The following LARGE1 variants were observed in gnomAD, a reference collection of about 807,000 sequenced individuals.
The protein encoded by LARGE1 is xylosyl- and glucuronyltransferase LARGE1.
Under a neutral mutation model 87.6 loss-of-function variants are expected in LARGE1, and 43 were observed. The observed-to-expected ratio is 0.49, with a 90% CI of 0.38 to 0.63. The LOEUF is 0.63. LARGE1 is among the 30% of genes least tolerant of loss of function. The pLI, the probability that LARGE1 is intolerant of heterozygous loss-of-function variation, is 0.00. For missense variants in LARGE1, 802 were observed against 1,000.2 expected (o/e 0.80, Z 2.67); for synonymous variants, 434 against 394.6 (o/e 1.10, Z -1.18).
At chr22:33,788,544 G>A (rs978668690) in intron 1 of LARGE1, among the ~76,000 whole-genome samples, 3 of 152,218 alleles carry the variant, frequency 2.0e-5, no homozygotes, top group Non-Finnish European at 4.4e-5. Context: ...GGGAAGTTTT[G>A]AACTTCCTAG....
chr22:33,701,100 T>C (rs1438479423), intron 2 of LARGE1, among the ~76,000 whole-genome samples: 1 of 152,144 alleles, frequency 6.6e-6, no homozygotes, highest in Non-Finnish European at 1.5e-5. Flanking sequence ...CAGGTGATGC[T>C]GATGCTTTTT....
chr22:33,556,345 T>A (rs1055221549), intron 6 of LARGE1, among the ~76,000 whole-genome samples: 1 of 151,936 alleles, frequency 6.6e-6, no homozygotes, highest in South Asian at 2.1e-4. Flanking sequence ...GTTCAGGGCA[T>A]GACACATAAA....
intron 9 of LARGE1, among the ~76,000 whole-genome samples, chr22:33,381,043 G>T (rs1024737430): frequency 1.3e-5 from 2 of 152,160 alleles, no homozygotes; most frequent in African/African-American, 4.8e-5. Context: ...AATGACTCAA[G>T]GTTTCCTCTT....
intron 4 of LARGE1, among the ~76,000 whole-genome samples, chr22:33,611,296 A>G (rs889877547): frequency 6.6e-6 from 1 of 152,270 alleles, no homozygotes; most frequent in Admixed American, 6.5e-5. Context: ...CCATGAGAGC[A>G]GCTGCAGGGG....
chr22:33,471,645 C>CT (rs1435389049), intron 6 of LARGE1, among the ~76,000 whole-genome samples: 1 of 152,140 alleles, frequency 6.6e-6, no homozygotes, highest in Non-Finnish European at 1.5e-5. Flanking sequence ...CCAGGAAACT[C>CT]TTCCACTCAG....
chr22:33,132,846 T>C, the LARGE1 span, among the ~76,000 whole-genome samples: 2 of 152,216 alleles, frequency 1.3e-5, no homozygotes, highest in East Asian at 3.9e-4. Flanking sequence ...ATCGTGCATG[T>C]AACATACACT....
At chr22:33,682,558 T>C (rs2081808585) in intron 2 of LARGE1, among the ~76,000 whole-genome samples, 1 of 152,234 alleles carries the variant, frequency 6.6e-6, no homozygotes, top group Non-Finnish European at 1.5e-5. Flanking sequence ...CACTTCCTGA[T>C]TGGTTCCTCT....
chr22:33,570,500 T>C (rs1208264724), intron 5 of LARGE1, among the ~76,000 whole-genome samples: 2 of 151,434 alleles, frequency 1.3e-5, no homozygotes, highest in Non-Finnish European at 2.9e-5. Context: ...ATACAAAAAT[T>C]AGTTGGGCAT....
At chr22:33,177,972 C>A (rs914953341) in intron 11 of LARGE1, among the ~76,000 whole-genome samples, 1 of 152,142 alleles carries the variant, frequency 6.6e-6, no homozygotes, top group Non-Finnish European at 1.5e-5. Flanking sequence ...CCTGCTGCTA[C>A]CTTGTGAAGA....
In LARGE1 at chr22:33,688,221, T is replaced by C. The variant is rs1041120558; in HGVS notation, c.107-37553A>G. On this transcript the variant is annotated intron_variant, in intron 2 of 14. Coordinates refer to ENST00000397394, the MANE Select transcript of LARGE1 (RefSeq NM_133642.5). ...GAAGAGTCCCTCCCTCACAGAGCTGTGGTCAAGATTAAATGGGTGAGTACT... is the reference window on the plus strand; with the variant it reads ...GAAGAGTCCCTCCCTCACAGAGCTGCGGTCAAGATTAAATGGGTGAGTACT... 2.8e-4 allele frequency among the ~76,000 whole-genome samples: 42 copies of C among 152,306 alleles called. 1 individual carries two copies. Among genetic ancestry groups the C allele is most frequent in the Middle Eastern group, 3.4e-3 (1 of 294 alleles).
chr22:33,598,783 T>G (rs180910911), intron 5 of LARGE1, among the ~76,000 whole-genome samples: 153 of 152,344 alleles, frequency 1.0e-3, no homozygotes, highest in Non-Finnish European at 2.9e-5. Flanking sequence ...TTGATGGGCA[T>G]TTGGGTTGGT....
intron 12 of LARGE1, among the ~76,000 whole-genome samples, chr22:33,301,424 G>T (rs1485168303): frequency 1.3e-5 from 2 of 151,880 alleles, no homozygotes; most frequent in Admixed American, 6.6e-5. Flanking sequence ...CATTTGAAAT[G>T]ATTTTTTTGC....
intron 10 of LARGE1, among the ~76,000 whole-genome samples, chr22:33,334,875 G>A (rs1412599705): frequency 2.0e-5 from 3 of 152,206 alleles, no homozygotes; most frequent in South Asian, 2.1e-4. Context: ...CAGCATTCAC[G>A]CATTCTTCCT....
chr22:33,205,036 G>A (rs112865008), intron 11 of LARGE1, among the ~76,000 whole-genome samples: 3 of 151,666 alleles, frequency 2.0e-5, no homozygotes, highest in African/African-American at 7.3e-5. Flanking sequence ...ATATTAGGTT[G>A]AAAAAAAATA....
At chr22:33,249,717 A>G (rs570539353) in intron 11 of LARGE1, among the ~76,000 whole-genome samples, 1 of 152,218 alleles carries the variant, frequency 6.6e-6, no homozygotes, top group South Asian at 2.1e-4. Flanking sequence ...AATTTTTGTG[A>G]AGGGTATAAG....
chr22:33,589,179 C>T (rs2078764397), intron 5 of LARGE1, among the ~76,000 whole-genome samples: 1 of 152,196 alleles, frequency 6.6e-6, no homozygotes, highest in Non-Finnish European at 1.5e-5. Flanking sequence ...ATTCTTGTTT[C>T]CACCACTCCA....
intron 1 of LARGE1, among the ~76,000 whole-genome samples, chr22:33,787,330 G>C (rs1601616932): frequency 6.6e-6 from 1 of 152,144 alleles, no homozygotes; most frequent in African/African-American, 2.4e-5. Flanking sequence ...GGCAATAAGT[G>C]AGTGCACTGA....
intron 6 of LARGE1, among the ~76,000 whole-genome samples, chr22:33,506,433 C>T (rs1411385452): frequency 6.6e-6 from 1 of 152,114 alleles, no homozygotes; most frequent in Non-Finnish European, 1.5e-5. Flanking sequence ...CCTTCCTCCT[C>T]CCATAGGCTG....
intron 11 of LARGE1, among the ~76,000 whole-genome samples, chr22:33,178,041 G>A (rs1922971458): frequency 6.6e-6 from 1 of 152,166 alleles, no homozygotes; most frequent in African/African-American, 2.4e-5. Context: ...AAGCCTCCCA[G>A]CCATGTGGAA....
Sources: gnomAD v4.1 joint callset for allele counts (sites outside exome capture counted in the v4.1 genomes callset) on GRCh38, gnomAD v4.1.1 for gene constraint, MANE v1.5 for transcripts, NCBI Gene and HGNC (gene_info 2026-07-23, HGNC 2026-07-21) for gene names.